Variants in FBXL7 observed in about 807,000 individuals in gnomAD.
The protein encoded by FBXL7 is F-box/LRR-repeat protein 7.
In FBXL7, 12 loss-of-function variants were observed where a neutral mutation model predicts 38.3. The observed-to-expected ratio is 0.31, with a 90% CI of 0.20 to 0.51. The LOEUF (loss-of-function observed/expected upper bound fraction) is 0.51. FBXL7 is among the 20% of genes least tolerant of loss of function. FBXL7 has a pLI of 0.98. For missense variants in FBXL7, 567 were observed against 676.4 expected (o/e 0.84, Z 1.79); for synonymous variants, 297 against 300.9 (o/e 0.99, Z 0.13).
intron 2 of FBXL7, among the ~76,000 whole-genome samples, chr5:15,764,505 G>A (rs1736532826): frequency 6.6e-6 from 1 of 152,154 alleles, no homozygotes; most frequent in South Asian, 2.1e-4. Context: ...AGGCCTCTAG[G>A]ATCCATAAAG....
At chr5:15,832,541 C>T (rs188491881) in intron 2 of FBXL7, among the ~76,000 whole-genome samples, 11 of 152,244 alleles carry the variant, frequency 7.2e-5, no homozygotes, top group Admixed American at 4.6e-4. Context: ...TAATACAAGG[C>T]ATTTGAGTTA....
At chr5:15,602,622 C>G (rs1305019626) in intron 1 of FBXL7, among the ~76,000 whole-genome samples, 1 of 151,970 alleles carries the variant, frequency 6.6e-6, no homozygotes, top group East Asian at 1.9e-4. Flanking sequence ...TTTAAAAAAG[C>G]AGTCGTACTA....
Position 15,643,146 on chromosome 5 carries a change from T to C in FBXL7, c.127+27074T>C, listed in dbSNP as rs544430484. 1.5e-4 allele frequency among the ~76,000 whole-genome samples: 23 copies of C among 152,314 alleles called. 2 individuals are homozygous for C. Among genetic ancestry groups the C allele is most frequent in the Admixed American group, 1.5e-3 (23 of 15,300 alleles). ...AAAGACAGCTCAAGTTATGTAAATCTCAGTGAACTCTCTAGCGACAAGAGT... is the reference window on the plus strand; with the variant it reads ...AAAGACAGCTCAAGTTATGTAAATCCCAGTGAACTCTCTAGCGACAAGAGT... On this transcript the variant is annotated intron_variant, in intron 2 of 3. Transcript: ENST00000504595.
At chr5:15,546,387 T>G (rs1737891232) in intron 1 of FBXL7, among the ~76,000 whole-genome samples, 1 of 151,742 alleles carries the variant, frequency 6.6e-6, no homozygotes, top group Non-Finnish European at 1.5e-5. Context: ...GCCAACATGG[T>G]GAAACCCCAT....
chr5:15,729,975 C>A (rs1018480722), intron 2 of FBXL7, among the ~76,000 whole-genome samples: 8 of 152,254 alleles, frequency 5.3e-5, no homozygotes, highest in South Asian at 4.1e-4. Context: ...TACTGTATGA[C>A]ATATGATCGA....
At chr5:15,733,226 G>A (rs1373701283) in intron 2 of FBXL7, among the ~76,000 whole-genome samples, 1 of 152,008 alleles carries the variant, frequency 6.6e-6, no homozygotes, top group Admixed American at 6.6e-5. Context: ...CCGAGTAGCT[G>A]GGATTACAGG....
chr5:15,602,757 TAAAAA>T (rs1184299766), intron 1 of FBXL7, among the ~76,000 whole-genome samples: 2 of 152,118 alleles, frequency 1.3e-5, no homozygotes, highest in Non-Finnish European at 2.9e-5. Flanking sequence ...AAAATACTCT[TAAAAA>T]AGAAAATAAA....
chr5:15,523,010 T>C (rs1264445668), intron 1 of FBXL7, among the ~76,000 whole-genome samples: 1 of 152,226 alleles, frequency 6.6e-6, no homozygotes, highest in Non-Finnish European at 1.5e-5. Context: ...AAATTAGTTA[T>C]GTGTAAATGA....
At chr5:15,702,543 G>A (rs1167753855) in intron 2 of FBXL7, among the ~76,000 whole-genome samples, 1 of 151,992 alleles carries the variant, frequency 6.6e-6, no homozygotes, top group Non-Finnish European at 1.5e-5. Flanking sequence ...TTTCTGTACT[G>A]AGTCACCGGT....
chr5:15,603,883 C>T (rs1213008668), intron 1 of FBXL7, among the ~76,000 whole-genome samples: 6 of 152,226 alleles, frequency 3.9e-5, no homozygotes, highest in Admixed American at 3.3e-4. Flanking sequence ...ACACCTGTAA[C>T]CCCAGCATTT....
At chr5:15,542,630 C>G (rs1302735844) in intron 1 of FBXL7, among the ~76,000 whole-genome samples, 1 of 152,186 alleles carries the variant, frequency 6.6e-6, no homozygotes, top group Non-Finnish European at 1.5e-5. Context: ...AGATTCCAAA[C>G]TTCTAATTTT....
Position 15,508,599 on chromosome 5 carries a change from A to T in FBXL7, c.37+7886A>T, listed in dbSNP as rs146585482. Among the ~76,000 whole-genome samples the T allele has an allele frequency of 8.0e-3, 1,223 of 152,276 alleles. 15 individuals are homozygous for T. The highest frequency in any genetic ancestry group is 9.4e-3 in the Non-Finnish European group (638 of 68,020). ...TCTGCATTGAGTAAGGGGATCAACT[A>T]TCTGACCCTGAACCACGTTCCCTAG... is the stretch of plus-strand genomic sequence containing the variant. On this transcript the variant is annotated intron_variant, in intron 1 of 3. Transcript: ENST00000504595.
intron 2 of FBXL7, among the ~76,000 whole-genome samples, chr5:15,699,720 C>T (rs1743463462): frequency 6.6e-6 from 1 of 152,174 alleles, no homozygotes; most frequent in Admixed American, 6.5e-5. Context: ...ACTACAATTA[C>T]AGGTTTCACT....
In FBXL7 at chr5:15,616,021, A is replaced by G; in HGVS notation, c.76A>G (p.Ser26Gly). ...SSSISSDVSS[S>G]TDHTPTKAQK... is the part of the protein sequence containing the mutation. Reference sequence around the variant, plus strand: ...GAGCATCTCATCTGACGTGAGTTCAAGTACAGATCACACGCCCACTAAAGC... The same window carrying G: ...GAGCATCTCATCTGACGTGAGTTCAGGTACAGATCACACGCCCACTAAAGC... The change falls in exon 2 of 4, where the codon AGT becomes GGT. Residue 26 changes from serine to glycine, a missense_variant. Coordinates refer to ENST00000504595, the MANE Select transcript of FBXL7 (RefSeq NM_012304.5). 6.2e-7 allele frequency: 1 copy of G among 1,613,584 alleles called. No homozygotes were observed. The highest frequency in any genetic ancestry group is 1.1e-5 in the South Asian group (1 of 91,060).
intron 1 of FBXL7, among the ~76,000 whole-genome samples, chr5:15,516,805 C>A (rs1037853568): frequency 2.0e-5 from 3 of 152,032 alleles, no homozygotes; most frequent in Non-Finnish European, 4.4e-5. Flanking sequence ...CCCTTTTGGT[C>A]GGCATTTCTC....
At chr5:15,619,305 C>G (rs972930458) in intron 2 of FBXL7, among the ~76,000 whole-genome samples, 3 of 152,102 alleles carry the variant, frequency 2.0e-5, no homozygotes, top group Admixed American at 6.5e-5. Flanking sequence ...CAGGTGTGGA[C>G]CATCAGGAGA....
chr5:15,549,504 A>G (rs190082078), intron 1 of FBXL7, among the ~76,000 whole-genome samples: 4 of 152,298 alleles, frequency 2.6e-5, no homozygotes, highest in Non-Finnish European at 5.9e-5. Context: ...GTTTCTTTGC[A>G]TGAACATTAA....
At chr5:15,531,954 A>G (rs1332354643) in intron 1 of FBXL7, among the ~76,000 whole-genome samples, 2 of 152,186 alleles carry the variant, frequency 1.3e-5, no homozygotes, top group African/African-American at 2.4e-5. Flanking sequence ...TTGATTAATT[A>G]CTAACATCTC....
intron 2 of FBXL7, among the ~76,000 whole-genome samples, chr5:15,682,408 A>G (rs1262132365): frequency 1.3e-5 from 2 of 152,220 alleles, no homozygotes; most frequent in Non-Finnish European, 2.9e-5. Flanking sequence ...TTGGGTGAAC[A>G]TACAACATTC....
Sources: allele counts gnomAD v4.1 joint callset (sites outside exome capture counted in the v4.1 genomes callset), GRCh38; gene constraint gnomAD v4.1.1; transcripts MANE v1.5; gene names NCBI Gene and HGNC (gene_info 2026-07-23, HGNC 2026-07-21).